Variants in MORN1 observed in about 807,000 individuals in gnomAD.
MORN1 encodes MORN repeat containing 1.
Under a neutral mutation model 61.9 loss-of-function variants are expected in MORN1, and 67 were observed. The observed-to-expected ratio is 1.08, with a 90% CI of 0.89 to 1.33. The LOEUF is 1.33. Ranked by LOEUF, MORN1 falls within the 40% of genes most tolerant of loss-of-function variation. The probability of loss-of-function intolerance (pLI) is 0.00; values close to 1 mark genes in which losing one functional copy is unlikely to be tolerated. For missense variants in MORN1, 752 were observed against 691.2 expected (o/e 1.09, Z -0.99); for synonymous variants, 301 against 292.0 (o/e 1.03, Z -0.31).
At chr1:2,378,870 C>T in intron 6 of MORN1, 1 of 451,626 alleles carries the variant, frequency 2.2e-6, no homozygotes. Flanking sequence ...GCTCGTGGCC[C>T]AGGACCTCTG....
intron 12 of MORN1, among the ~76,000 whole-genome samples, 159 bp downstream of exon 12, chr1:2,336,310 C>G (rs1218831388): frequency 6.6e-6 from 1 of 152,232 alleles, no homozygotes; most frequent in Non-Finnish European, 1.5e-5. Flanking sequence ...GAGACCCTGG[C>G]TGGCGGGGGG....
At chr1:2,329,967 G>A (rs565911638) in intron 12 of MORN1, among the ~76,000 whole-genome samples, 28 of 152,248 alleles carry the variant, frequency 1.8e-4, no homozygotes, top group African/African-American at 6.7e-4. Flanking sequence ...AGGACTAGAG[G>A]GAGCTCCGGG....
At chr1:2,369,178 T>C (rs1303667911) in intron 8 of MORN1, among the ~76,000 whole-genome samples, 1 of 149,194 alleles carries the variant, frequency 6.7e-6, no homozygotes, top group Non-Finnish European at 1.5e-5. Flanking sequence ...GGTGAAACCC[T>C]GTCTGTACTA....
chr1:2,386,034 G>A (rs1017519148), intron 4 of MORN1, 137 bp from the exon 5 acceptor site: 1 of 696,058 alleles, frequency 1.4e-6, no homozygotes, highest in Non-Finnish European at 2.6e-6. Context: ...GGCCCCCCAG[G>A]AACATGACAG....
chr1:2,322,575 C>T (rs1640906738), intron 13 of MORN1: 22 of 985,220 alleles, frequency 2.2e-5, no homozygotes, highest in Non-Finnish European at 2.7e-5. Flanking sequence ...AAACACGGTT[C>T]TGGGGGGCCT....
chr1:2,361,200 C>G (rs918903402), intron 8 of MORN1, among the ~76,000 whole-genome samples: 4 of 152,316 alleles, frequency 2.6e-5, no homozygotes, highest in Admixed American at 1.3e-4. Flanking sequence ...AGAGGACATT[C>G]AAGCATGGTG....
rs757222634 is a variant in MORN1, at chr1:2,336,817, C to T, written c.1070G>A (p.Cys357Tyr). 5.6e-6 allele frequency: 9 copies of T among 1,597,650 alleles called. No individual in the cohort carries two copies. In the Admixed American group the frequency reaches 1.4e-4, roughly 25 times the overall value. ...RGHAPHCPGA[C>Y]QRVEQGCAEF... ...GGCACAGCCCTGCTCCACTCGCTGA[C>T]AGGCCCCGGGACAATGGGGCGCATG... is the stretch of plus-strand genomic sequence containing the variant. Residue 357 changes from cysteine (C) to tyrosine (Y), a missense_variant, in exon 11 of 14, where the codon TGT becomes TAT. By Grantham distance (194) the Cys-to-Tyr change is radical (BLOSUM62 -2). Coordinates refer to ENST00000378531, the MANE Select transcript of MORN1 (RefSeq NM_024848.3).
chr1:2,336,692 C>T (rs778654647), intron 11 of MORN1, 25 bp downstream of exon 11: 1 of 1,547,116 alleles, frequency 6.5e-7, no homozygotes, highest in Non-Finnish European at 8.7e-7. Context: ...GTGGGGTGGC[C>T]TCCCCGCCCC....
chr1:2,375,258 G>A (rs940695867), intron 6 of MORN1: 15 of 152,174 alleles, frequency 9.9e-5, no homozygotes, highest in African/African-American at 3.6e-4. Context: ...TTCACTCTCT[G>A]GCAGGAGCCA....
At chr1:2,348,696 C>T (rs1429689578) in intron 10 of MORN1, among the ~76,000 whole-genome samples, 21 of 147,502 alleles carry the variant, frequency 1.4e-4, no homozygotes, top group African/African-American at 4.6e-4. Context: ...CGCACACACA[C>T]GCACGCACAC....
intron 4 of MORN1, 87 bp from the exon 5 acceptor site, chr1:2,385,984 G>C: frequency 8.3e-7 from 1 of 1,199,562 alleles, no homozygotes; most frequent in Non-Finnish European, 1.2e-6. Context: ...TGGAGGGCGG[G>C]CAGGAGCAAA....
At chr1:2,379,475 G>A (rs1050365525) in intron 6 of MORN1, among the ~76,000 whole-genome samples, 3 of 152,176 alleles carry the variant, frequency 2.0e-5, no homozygotes, top group African/African-American at 7.2e-5. Flanking sequence ...TCCCAGGGAA[G>A]AAGTCAAAAG....
intron 10 of MORN1, chr1:2,351,784 C>A: frequency 1.8e-6 from 1 of 563,512 alleles, no homozygotes; most frequent in Non-Finnish European, 3.5e-6. Context: ...CCAATGAAGA[C>A]TCGGCCATCT....
rs757344427 is a variant in MORN1, at chr1:2,324,166, C to A, written c.1251-23G>T. The A allele has an allele frequency of 1.1e-5, 17 of 1,586,192 alleles. No homozygotes were observed. The East Asian group carries it at 3.7e-4, about 34-fold the overall frequency. On this transcript the variant is annotated intron_variant, in intron 12 of 13. Coordinates refer to ENST00000378531, the MANE Select transcript of MORN1 (RefSeq NM_024848.3). ...GGCCTGTGGAGACGACACAGTGAGG[C>A]CCCTGAATGCCCTGCCTGGGCCCCG...
At chr1:2,361,775 C>T (rs1641895670) in intron 8 of MORN1, among the ~76,000 whole-genome samples, 1 of 152,164 alleles carries the variant, frequency 6.6e-6, no homozygotes, top group African/African-American at 2.4e-5. Context: ...ATCCACATGT[C>T]AATTCCGACT....
chr1:2,388,612 T>TAC (rs972505938), intron 2 of MORN1: 10 of 367,004 alleles, frequency 2.7e-5, no homozygotes, highest in African/African-American at 6.4e-5. Flanking sequence ...ACCCCGTCTC[T>TAC]ACACAAAATT....
In MORN1 at chr1:2,387,091, C is replaced by T. The variant is rs768435398; in HGVS notation, c.358+328G>A. On this transcript the variant is annotated intron_variant, in intron 4 of 13. Coordinates refer to ENST00000378531, the MANE Select transcript of MORN1 (RefSeq NM_024848.3). Reference sequence around the variant, plus strand: ...AGACCAGACCAGAAGCCCCTCCCTGCAGGGCCCAGGCCAACCTACTGACCC... The same window carrying T: ...AGACCAGACCAGAAGCCCCTCCCTGTAGGGCCCAGGCCAACCTACTGACCC... The T allele has an allele frequency of 1.1e-5, 4 of 370,608 alleles. No homozygotes were observed. In the East Asian group the frequency reaches 1.6e-4, roughly 15 times the overall value. The allele number at this position is 370,608 out of a possible 1,614,324, so 23.0% of individuals were successfully genotyped here. A position where few individuals can be genotyped will look rare whatever the true frequency, so the allele number is the denominator to read the frequency against.
At chr1:2,348,718 C>CA (rs1641575906) in intron 10 of MORN1, among the ~76,000 whole-genome samples, 6 of 131,330 alleles carry the variant, frequency 4.6e-5, no homozygotes, top group Non-Finnish European at 8.1e-5. Context: ...CACACCTGCG[C>CA]GGGCACGCAC....
rs1185849577 is a variant in MORN1 at position 2,336,794 on chromosome 1, C to T, written c.1093G>A (p.Ala365Thr). The part of the protein sequence containing the change: ...GACQRVEQGC[A>T]EFTDVLLGPP... The stretch of plus-strand genomic sequence containing the variant: ...CCCAGGAGGACATCTGTGAACTCGG[C>T]ACAGCCCTGCTCCACTCGCTGACAG... The change falls in exon 11 of 14, where the codon GCC (alanine) becomes ACC (threonine). Residue 365 changes from alanine to threonine, a missense_variant. Transcript: ENST00000378531. 1.2e-6 allele frequency: 2 copies of T among 1,605,142 alleles called. No homozygotes were observed. The highest frequency in any genetic ancestry group is 2.2e-5 in the East Asian group (1 of 44,814).
Sources: gnomAD v4.1 joint callset for allele counts (sites outside exome capture counted in the v4.1 genomes callset) on GRCh38, gnomAD v4.1.1 for gene constraint, MANE v1.5 for transcripts, NCBI Gene and HGNC (gene_info 2026-07-23, HGNC 2026-07-21) for gene names.